The following MYO18B variants were observed in gnomAD, a reference collection of about 807,000 sequenced individuals.
MYO18B encodes the protein myosin XVIIIB.
A neutral mutation model predicts 273.0 loss-of-function variants in MYO18B; 204 were observed. That is an observed-to-expected ratio of 0.75 (90% CI 0.67 to 0.84). The LOEUF is 0.84. MYO18B is among the 40% of genes least tolerant of loss of function. The probability of loss-of-function intolerance (pLI) is 0.00; values close to 1 mark genes in which losing one functional copy is unlikely to be tolerated. For synonymous variants in MYO18B, 1,330 were observed against 1,305.7 expected (o/e 1.02, Z -0.40); for missense variants, 3,212 against 3,287.6 (o/e 0.98, Z 0.56).
At chr22:25,753,917 C>T (rs1354777356) in intron 1 of MYO18B, among the ~76,000 whole-genome samples, 1 of 152,232 alleles carries the variant, frequency 6.6e-6, no homozygotes, top group Non-Finnish European at 1.5e-5. Context: ...AAGAACCCGC[C>T]AATTCCAGAC....
intron 12 of MYO18B, among the ~76,000 whole-genome samples, chr22:25,809,743 A>G (rs762601608): frequency 1.4e-4 from 21 of 152,108 alleles, no homozygotes; most frequent in Non-Finnish European, 2.4e-4. Context: ...CAGAACTGGG[A>G]TACCCCGACA....
chr22:25,889,179 T>G (rs1198336746), intron 25 of MYO18B, among the ~76,000 whole-genome samples: 1 of 97,620 alleles, frequency 1.0e-5, no homozygotes, highest in African/African-American at 2.9e-5. Context: ...GGGGATATAT[T>G]TTTTTTATGT....
intron 31 of MYO18B, among the ~76,000 whole-genome samples, chr22:25,904,347 C>A (rs958309501): frequency 7.9e-5 from 12 of 152,158 alleles, no homozygotes; most frequent in African/African-American, 2.7e-4. Context: ...ATACTAACCT[C>A]AGCCCTAAGC....
rs1302483050 is a variant in MYO18B, at chr22:25,898,473, C to T, written c.4823+12C>T. On this transcript the variant is annotated intron_variant, in intron 29 of 43. Coordinates refer to ENST00000335473, the MANE Select transcript of MYO18B (RefSeq NM_032608.7). Reference sequence around the variant, plus strand: ...AAGAAGCAGAAGAAGTGAGTTGCATCTCTCACCATCACCTGGGCTGCCAGG... The same window carrying T: ...AAGAAGCAGAAGAAGTGAGTTGCATTTCTCACCATCACCTGGGCTGCCAGG... 5 of 1,612,246 alleles carry T rather than the reference C, an allele frequency of 3.1e-6. No homozygotes were observed. Among genetic ancestry groups the T allele is most frequent in the Non-Finnish European group, 4.2e-6 (5 of 1,179,116 alleles).
At chr22:25,875,061 G>A (rs796552662) in intron 23 of MYO18B, among the ~76,000 whole-genome samples, 4 of 152,338 alleles carry the variant, frequency 2.6e-5, no homozygotes, top group African/African-American at 9.6e-5. Flanking sequence ...TGTGCCTCCA[G>A]TTTATGTGAA....
chr22:26,031,413 C>G (rs1424909876), downstream of MYO18B, among the ~76,000 whole-genome samples: 1 of 152,178 alleles, frequency 6.6e-6, no homozygotes, highest in African/African-American at 2.4e-5. Context: ...CTGTGAGGGC[C>G]TCTCTCCGTA....
chr22:25,878,144 A>G (rs2091251965), intron 25 of MYO18B, 96 bp downstream of exon 25: 6 of 987,848 alleles, frequency 6.1e-6, no homozygotes, highest in South Asian at 5.0e-5. Flanking sequence ...AAAGCATGCT[A>G]ATTGCTTTAC....
In MYO18B at chr22:25,761,145, A is replaced by G. The variant is rs376927643; in HGVS notation, c.39+14A>G. ...TGGGAGCAGAAGGAAAGTGACACTCATGGCTGGGGCTGCAGCCATCTGCAG... is the reference window on the plus strand; with the variant it reads ...TGGGAGCAGAAGGAAAGTGACACTCGTGGCTGGGGCTGCAGCCATCTGCAG... On this transcript the variant is annotated intron_variant, in intron 2 of 43. Transcript: ENST00000335473. The G allele has an allele frequency of 1.2e-6, 2 of 1,612,734 alleles. No homozygotes were observed. Among genetic ancestry groups the G allele is most frequent in the African/African-American group, 1.3e-5 (1 of 75,046 alleles).
intron 1 of MYO18B, among the ~76,000 whole-genome samples, chr22:25,744,682 C>T (rs570157087): frequency 1.3e-5 from 2 of 152,110 alleles, no homozygotes; most frequent in South Asian, 2.1e-4. Flanking sequence ...TGCAGTGAGC[C>T]GAGATCACGC....
chr22:25,868,259 T>G (rs777209505), intron 21 of MYO18B, 61 bp from the exon 22 acceptor site: 33 of 1,445,130 alleles, frequency 2.3e-5, no homozygotes, highest in Non-Finnish European at 3.1e-5. Context: ...CAGCTTGACT[T>G]TCCCCTTTAG....
intron 21 of MYO18B, among the ~76,000 whole-genome samples, chr22:25,865,879 GA>G (rs2090871627): frequency 6.6e-6 from 1 of 151,398 alleles, no homozygotes; most frequent in Non-Finnish European, 1.5e-5. Flanking sequence ...CTTATGTAGA[GA>G]AAAAAGGCAT....
intron 33 of MYO18B, among the ~76,000 whole-genome samples, chr22:25,914,726 T>C (rs1211533395): frequency 1.6e-5 from 2 of 121,752 alleles, no homozygotes; most frequent in Non-Finnish European, 3.2e-5. Flanking sequence ...AGATGGAGTC[T>C]CGCTCTGTCG....
chr22:25,744,014 A>G (rs1183592270), intron 1 of MYO18B, among the ~76,000 whole-genome samples: 1 of 152,162 alleles, frequency 6.6e-6, no homozygotes, highest in Non-Finnish European at 1.5e-5. Context: ...TTTAAACCTC[A>G]CAGGTGGTTC....
At chr22:25,778,253 G>A (rs548213720) in intron 8 of MYO18B, among the ~76,000 whole-genome samples, 3 of 150,092 alleles carry the variant, frequency 2.0e-5, no homozygotes, top group South Asian at 2.1e-4. Context: ...CTGTACCTAC[G>A]TTCAAAACTT....
At chr22:25,885,551 G>A (rs915203063) in intron 25 of MYO18B, among the ~76,000 whole-genome samples, 4 of 152,088 alleles carry the variant, frequency 2.6e-5, no homozygotes, top group Admixed American at 6.5e-5. Context: ...GGAGTGTCTT[G>A]TATGGGGATG....
chr22:26,039,885 C>T, the MYO18B span, among the ~76,000 whole-genome samples: 1 of 152,114 alleles, frequency 6.6e-6, no homozygotes, highest in African/African-American at 2.4e-5. Flanking sequence ...AGTACAGTGC[C>T]ATGATCTCAA....
intron 10 of MYO18B, among the ~76,000 whole-genome samples, chr22:25,782,876 A>G (rs2087219389): frequency 6.6e-6 from 1 of 152,202 alleles, no homozygotes. Context: ...TCTGTAGAAG[A>G]ACTTGGAGTG....
chr22:25,962,458 C>T (rs2092928357), intron 39 of MYO18B, among the ~76,000 whole-genome samples: 1 of 152,206 alleles, frequency 6.6e-6, no homozygotes, highest in Non-Finnish European at 1.5e-5. Flanking sequence ...AGTTTTACCT[C>T]TTAACAGAAT....
At chr22:26,020,445 T>C (rs1935714933) in intron 42 of MYO18B, among the ~76,000 whole-genome samples, 1 of 152,200 alleles carries the variant, frequency 6.6e-6, no homozygotes, top group Admixed American at 6.5e-5. Flanking sequence ...CACAGTAGGC[T>C]CATACATAGG....
Sources: gnomAD v4.1 joint callset for allele counts (sites outside exome capture counted in the v4.1 genomes callset) on GRCh38, gnomAD v4.1.1 for gene constraint, MANE v1.5 for transcripts, NCBI Gene and HGNC (gene_info 2026-07-23, HGNC 2026-07-21) for gene names.